Variants in CLNK observed in about 807,000 individuals in gnomAD.
The protein encoded by CLNK is cytokine-dependent hematopoietic cell linker.
A neutral mutation model predicts 68.6 loss-of-function variants in CLNK; 74 were observed. That is an observed-to-expected ratio of 1.08 (90% CI 0.89 to 1.31). The LOEUF (loss-of-function observed/expected upper bound fraction) is 1.31. CLNK is among the 50% of genes most tolerant of loss of function. CLNK has a pLI of 0.00. For synonymous variants in CLNK, 198 were observed against 172.2 expected (o/e 1.15, Z -1.17); for missense variants, 553 against 515.3 (o/e 1.07, Z -0.71).
intron 2 of CLNK, among the ~76,000 whole-genome samples, chr4:10,616,151 T>C (rs1464440944): frequency 1.3e-5 from 2 of 152,266 alleles, no homozygotes; most frequent in Non-Finnish European, 2.9e-5. Context: ...CTTGATGTTA[T>C]CTACATCTAT....
the CLNK span, among the ~76,000 whole-genome samples, chr4:10,729,230 G>A: frequency 2.0e-5 from 3 of 152,146 alleles, no homozygotes; most frequent in African/African-American, 7.2e-5. Flanking sequence ...TCTTACACCA[G>A]TCAGAATGGC....
At chr4:10,510,088 A>G (rs1324605509) in intron 16 of CLNK, among the ~76,000 whole-genome samples, 1 of 152,076 alleles carries the variant, frequency 6.6e-6, no homozygotes, top group African/African-American at 2.4e-5. Context: ...GTCGGTTTTT[A>G]TTTATTTGTC....
chr4:10,590,419 G>C (rs913378626), intron 3 of CLNK, among the ~76,000 whole-genome samples: 3 of 152,106 alleles, frequency 2.0e-5, no homozygotes, highest in African/African-American at 7.2e-5. Context: ...GAGGGATTTG[G>C]TTCTGTCTCC....
the CLNK span, among the ~76,000 whole-genome samples, chr4:10,698,652 G>A: frequency 1.3e-5 from 2 of 152,118 alleles, no homozygotes; most frequent in African/African-American, 4.8e-5. Flanking sequence ...AATCTTCAAG[G>A]AAAGGTCAGG....
intron 7 of CLNK, among the ~76,000 whole-genome samples, chr4:10,559,998 G>A (rs544388403): frequency 1.2e-4 from 19 of 152,152 alleles, no homozygotes; most frequent in African/African-American, 4.3e-4. Flanking sequence ...AATGTGACCA[G>A]ACTTTGTCAA....
At chr4:10,629,088 C>A (rs1722787662) in intron 2 of CLNK, among the ~76,000 whole-genome samples, 1 of 152,088 alleles carries the variant, frequency 6.6e-6, no homozygotes, top group South Asian at 2.1e-4. Context: ...CCTGTATGAC[C>A]AGCTCCCATG....
chr4:10,573,479 C>T (rs571993122), intron 4 of CLNK, among the ~76,000 whole-genome samples: 1 of 152,164 alleles, frequency 6.6e-6, no homozygotes, highest in Non-Finnish European at 1.5e-5. Context: ...CCACTGAGAT[C>T]CCTGGCAGAG....
At chr4:10,719,046 A>T in the CLNK span, among the ~76,000 whole-genome samples, 1 of 152,146 alleles carries the variant, frequency 6.6e-6, no homozygotes, top group African/African-American at 2.4e-5. Context: ...CTTCAAAAAG[A>T]TACAGTCAAA....
chr4:10,595,236 C>A (rs906401730), intron 3 of CLNK, among the ~76,000 whole-genome samples: 15 of 152,182 alleles, frequency 9.9e-5, no homozygotes, highest in African/African-American at 3.1e-4. Context: ...TTTTCCCTAT[C>A]TGTAAATGGG....
chr4:10,655,532 G>A (rs897771939), intron 2 of CLNK, among the ~76,000 whole-genome samples: 1 of 152,000 alleles, frequency 6.6e-6, no homozygotes, highest in African/African-American at 2.4e-5. Flanking sequence ...TTGACATGGG[G>A]CTGATAATGT....
chr4:10,708,175 A>G, the CLNK span, among the ~76,000 whole-genome samples: 4 of 152,188 alleles, frequency 2.6e-5, no homozygotes, highest in African/African-American at 4.8e-5. Context: ...AATCCCATCT[A>G]TGTGACTTCC....
At chr4:10,649,536 C>T (rs4296670) in intron 2 of CLNK, among the ~76,000 whole-genome samples, 63,016 of 151,846 alleles carry the variant, frequency 0.41, 14,095 homozygotes, top group Non-Finnish European at 0.51. Context: ...AGAAGAGTGA[C>T]GGAAAGGAGT....
intron 2 of CLNK, among the ~76,000 whole-genome samples, chr4:10,617,027 C>T (rs1445281703): frequency 6.6e-6 from 1 of 151,914 alleles, no homozygotes; most frequent in Non-Finnish European, 1.5e-5. Flanking sequence ...TGCTCTGATC[C>T]ACATGCTTCT....
At chr4:10,609,764 A>G (rs1394295420) in intron 2 of CLNK, among the ~76,000 whole-genome samples, 3 of 152,220 alleles carry the variant, frequency 2.0e-5, no homozygotes, top group Non-Finnish European at 4.4e-5. Context: ...TTCTTTTGCC[A>G]GAGTTGTAGT....
At chr4:10,553,611 C>G (rs1377345453) in intron 8 of CLNK, among the ~76,000 whole-genome samples, 1 of 152,038 alleles carries the variant, frequency 6.6e-6, no homozygotes, top group Non-Finnish European at 1.5e-5. Flanking sequence ...ACCATCACGC[C>G]CAGCTAATTT....
At position 10,532,291 on chromosome 4, in the gene CLNK, A is replaced by G. The variant is rs1718573637; in HGVS notation, c.603-8T>C. 1 of 1,606,180 alleles carries G rather than the reference A, an allele frequency of 6.2e-7. No individual in the cohort carries two copies. Among genetic ancestry groups the G allele is most frequent in the East Asian group, 2.2e-5 (1 of 44,806 alleles). On this transcript the variant is annotated splice_polypyrimidine_tract_variant and splice_region_variant and intron_variant, in intron 11 of 18. Coordinates refer to ENST00000226951, the MANE Select transcript of CLNK (RefSeq NM_052964.4). ...TCCCTTAAGCTTATCTGACTGCAAG[A>G]AAAAGAAATACGGTGTTACATAAAA... is the stretch of plus-strand genomic sequence containing the variant.
intron 3 of CLNK, among the ~76,000 whole-genome samples, chr4:10,588,576 A>G (rs1721069667): frequency 6.6e-6 from 1 of 152,156 alleles, no homozygotes; most frequent in Admixed American, 6.5e-5. Flanking sequence ...TCTGGCTGGT[A>G]GACATTTTGT....
intron 15 of CLNK, among the ~76,000 whole-genome samples, chr4:10,516,786 G>A (rs1717856652): frequency 6.6e-6 from 1 of 152,122 alleles, no homozygotes; most frequent in Non-Finnish European, 1.5e-5. Context: ...TCTGATCTCA[G>A]GCGATCCGCC....
intron 3 of CLNK, among the ~76,000 whole-genome samples, chr4:10,590,384 T>C (rs988604167): frequency 6.6e-6 from 1 of 152,162 alleles, no homozygotes; most frequent in Non-Finnish European, 1.5e-5. Flanking sequence ...AGAGTTTGGA[T>C]GGTGTGTTAT....
Sources: gnomAD v4.1 joint callset for allele counts (sites outside exome capture counted in the v4.1 genomes callset) on GRCh38, gnomAD v4.1.1 for gene constraint, MANE v1.5 for transcripts, NCBI Gene and HGNC (gene_info 2026-07-23, HGNC 2026-07-21) for gene names.